The following NRXN1 variants were observed in gnomAD, a reference collection of about 807,000 sequenced individuals.
NRXN1 encodes the protein neurexin-1.
In NRXN1, 39 loss-of-function variants were observed where a neutral mutation model predicts 150.9. That is an observed-to-expected ratio of 0.26 (90% CI 0.20 to 0.34). NRXN1 has a LOEUF of 0.34. NRXN1 is among the 10% of genes least tolerant of loss of function. NRXN1 has a pLI of 1.00. For synonymous variants in NRXN1, 924 were observed against 757.0 expected, an observed-to-expected ratio of 1.22 and a Z score of -3.62; for missense variants, 1,815 against 1,949.9, an observed-to-expected ratio of 0.93 and a Z score of 1.30.
chr2:50,361,119 T>C (rs2153009950), intron 17 of NRXN1, among the ~76,000 whole-genome samples: 1 of 152,284 alleles, frequency 6.6e-6, no homozygotes, highest in South Asian at 2.1e-4. Flanking sequence ...AAGCAGTGTT[T>C]ACAGGGAAAT....
chr2:50,870,028 C>CG (rs1216956801), intron 5 of NRXN1, among the ~76,000 whole-genome samples: 7 of 151,832 alleles, frequency 4.6e-5, no homozygotes, highest in African/African-American at 1.7e-4. Context: ...GTCATTTCTA[C>CG]ATTCTAGGTA....
intron 2 of NRXN1, among the ~76,000 whole-genome samples, chr2:51,001,035 A>T (rs1699976626): frequency 6.6e-6 from 1 of 151,984 alleles, no homozygotes; most frequent in Admixed American, 6.6e-5. Context: ...ACAAAAGAAC[A>T]TAGGAAAGTG....
chr2:50,229,289 C>T (rs1286369238), intron 18 of NRXN1, among the ~76,000 whole-genome samples: 2 of 151,326 alleles, frequency 1.3e-5, no homozygotes, highest in African/African-American at 2.4e-5. Context: ...GTAACCGCTA[C>T]TGCCATGCAT....
intron 2 of NRXN1, among the ~76,000 whole-genome samples, chr2:50,994,393 GT>G (rs1375039908): frequency 1.3e-5 from 2 of 151,984 alleles, no homozygotes; most frequent in East Asian, 3.9e-4. Context: ...TTATCCTCAA[GT>G]TTTCCAATTA....
intron 5 of NRXN1, among the ~76,000 whole-genome samples, chr2:50,641,483 C>A (rs1014935741): frequency 6.6e-6 from 1 of 151,988 alleles, no homozygotes; most frequent in Non-Finnish European, 1.5e-5. Context: ...AAGGAAGGCA[C>A]CGAAGAAGCC....
intron 17 of NRXN1, among the ~76,000 whole-genome samples, chr2:50,427,617 A>G (rs1429897139): frequency 1.3e-5 from 2 of 152,184 alleles, no homozygotes; most frequent in African/African-American, 4.8e-5. Flanking sequence ...GTATTAATGC[A>G]GCAAAAATCA....
At chr2:50,374,363 G>A (rs530123647) in intron 17 of NRXN1, among the ~76,000 whole-genome samples, 6 of 151,362 alleles carry the variant, frequency 4.0e-5, no homozygotes, top group Non-Finnish European at 7.4e-5. Flanking sequence ...ATTTCATTTG[G>A]CTTCCTTTTA....
intron 18 of NRXN1, among the ~76,000 whole-genome samples, chr2:50,103,144 G>C (rs1026005498): frequency 3.9e-5 from 6 of 152,014 alleles, no homozygotes; most frequent in Non-Finnish European, 8.8e-5. Flanking sequence ...AAGACTTCCT[G>C]AATCAACAGG....
intron 18 of NRXN1, among the ~76,000 whole-genome samples, chr2:50,152,397 A>G (rs1326383254): frequency 6.6e-6 from 1 of 151,794 alleles, no homozygotes; most frequent in Non-Finnish European, 1.5e-5. Context: ...TAAAGGCTGA[A>G]TAATGTTCCA....
intron 17 of NRXN1, among the ~76,000 whole-genome samples, chr2:50,324,039 C>G (rs189734419): frequency 1.9e-3 from 287 of 152,164 alleles, no homozygotes; most frequent in African/African-American, 6.9e-3. Flanking sequence ...GGCCCGAGGA[C>G]GGGAAGGCTT....
chr2:50,461,558 T>C lies in NRXN1; in HGVS notation c.3364+3884A>G, dbSNP rs534280306. ...AGAAAAGGATTATTGTGTAGCACAC[T>C]GGTGTGATGATGGTGGACGAATGTG... is the stretch of plus-strand genomic sequence containing the variant. On this transcript the variant is annotated intron_variant, in intron 17 of 22. Coordinates refer to ENST00000401669, the MANE Select transcript of NRXN1 (RefSeq NM_001330078.2). 1.3e-5 allele frequency among the ~76,000 whole-genome samples: 2 copies of C among 152,128 alleles called. 1 individual carries two copies. The highest frequency in any genetic ancestry group is 4.1e-4 in the South Asian group (2 of 4,830).
intron 5 of NRXN1, among the ~76,000 whole-genome samples, chr2:50,894,517 T>C (rs1173224596): frequency 6.6e-6 from 1 of 151,994 alleles, no homozygotes; most frequent in Non-Finnish European, 1.5e-5. Flanking sequence ...AACACTTAAT[T>C]AATATATTCT....
intron 5 of NRXN1, among the ~76,000 whole-genome samples, chr2:50,809,537 G>T (rs2105752441): frequency 6.6e-6 from 1 of 152,212 alleles, no homozygotes; most frequent in South Asian, 2.1e-4. Flanking sequence ...TCATAATTAT[G>T]TAGAGCAGAG....
At chr2:50,505,908 A>G (rs1228189521) in intron 13 of NRXN1, among the ~76,000 whole-genome samples, 3 of 152,164 alleles carry the variant, frequency 2.0e-5, no homozygotes, top group Non-Finnish European at 4.4e-5. Flanking sequence ...TTTTTCTTCC[A>G]TGAGGCTTTC....
chr2:50,970,370 A>G (rs915946523), intron 2 of NRXN1, among the ~76,000 whole-genome samples: 2 of 152,124 alleles, frequency 1.3e-5, no homozygotes, highest in African/African-American at 4.8e-5. Context: ...CTGAACCCCA[A>G]CAGTACCCAA....
intron 5 of NRXN1, among the ~76,000 whole-genome samples, chr2:50,848,484 G>T (rs1420508911): frequency 6.6e-6 from 1 of 152,092 alleles, no homozygotes; most frequent in Non-Finnish European, 1.5e-5. Flanking sequence ...GGTTTGGGAG[G>T]CAATTGGTTG....
intron 21 of NRXN1, among the ~76,000 whole-genome samples, chr2:49,984,392 C>T (rs1023034034): frequency 2.6e-5 from 4 of 152,098 alleles, no homozygotes; most frequent in Non-Finnish European, 4.4e-5. Flanking sequence ...TGAGATCTGA[C>T]GTCGTATAAA....
intron 5 of NRXN1, among the ~76,000 whole-genome samples, chr2:50,878,337 G>A (rs1344344405): frequency 2.0e-5 from 3 of 151,902 alleles, no homozygotes; most frequent in Non-Finnish European, 2.9e-5. Context: ...GCCCTGTGAA[G>A]TAGCTTTAGA....
chr2:50,028,022 G>T (rs1409275496), intron 21 of NRXN1, among the ~76,000 whole-genome samples: 2 of 151,732 alleles, frequency 1.3e-5, no homozygotes, highest in Non-Finnish European at 2.9e-5. Flanking sequence ...AGTACTGAGA[G>T]CACAGGTTAA....
Sources: gnomAD v4.1 joint callset for allele counts (sites outside exome capture counted in the v4.1 genomes callset) on GRCh38, gnomAD v4.1.1 for gene constraint, MANE v1.5 for transcripts, NCBI Gene and HGNC (gene_info 2026-07-23, HGNC 2026-07-21) for gene names.